Variants in HFM1 observed in about 807,000 individuals in gnomAD.
HFM1 encodes the protein probable ATP-dependent DNA helicase HFM1.
A neutral mutation model predicts 192.1 loss-of-function variants in HFM1; 169 were observed. That is an observed-to-expected ratio of 0.88 (90% CI 0.78 to 1.00). HFM1 has a LOEUF of 1.00. Ranked by LOEUF, HFM1 falls within the 50% of genes least tolerant of loss-of-function variation. The pLI is 0.00. For missense variants in HFM1, 1,661 were observed against 1,668.0 expected, an observed-to-expected ratio of 1.00 and a Z score of 0.07; for synonymous variants, 525 against 537.8, an observed-to-expected ratio of 0.98 and a Z score of 0.33.
chr1:91,302,647 G>T (rs1022798047), intron 30 of HFM1, among the ~76,000 whole-genome samples: 1 of 151,994 alleles, frequency 6.6e-6, no homozygotes, highest in Admixed American at 6.6e-5. Flanking sequence ...CATGGATGAC[G>T]CTGGAAACCA....
At position 91,260,873 on chromosome 1, in the gene HFM1, A is replaced by G. The variant is rs1665101417; in HGVS notation, c.*417T>C. ...GTAAAACAAAATACATGGGAATAAT[A>G]TTAGTGATTAATCCATACAATAAGC... is the stretch of plus-strand genomic sequence containing the variant. On this transcript the variant is annotated 3_prime_UTR_variant, in exon 39 of 39. Coordinates refer to ENST00000370425, the MANE Select transcript of HFM1 (RefSeq NM_001017975.6). 6.6e-6 allele frequency: 1 copy of G among 152,464 alleles called. No homozygotes were observed. The highest frequency in any genetic ancestry group is 1.5e-5 in the Non-Finnish European group (1 of 68,196). 9.4% of individuals were successfully genotyped at this position (152,464 alleles called of 1,614,324 possible). A position where few individuals can be genotyped will look rare whatever the true frequency, so the allele number is the denominator to read the frequency against.
At chr1:91,274,603 T>C (rs750874555) in intron 33 of HFM1, 127 bp downstream of exon 33, 4 of 499,504 alleles carry the variant, frequency 8.0e-6, no homozygotes, top group Non-Finnish European at 1.5e-5. Flanking sequence ...ATTGCTTCAC[T>C]ATGGAACTAA....
intron 30 of HFM1, among the ~76,000 whole-genome samples, chr1:91,311,807 C>T (rs924618369): frequency 6.6e-6 from 1 of 152,182 alleles, no homozygotes; most frequent in African/African-American, 2.4e-5. Flanking sequence ...TTTACGGCAG[C>T]CCCTTCTATC....
intron 30 of HFM1, among the ~76,000 whole-genome samples, chr1:91,286,230 T>G (rs1175918422): frequency 6.6e-6 from 1 of 152,188 alleles, no homozygotes; most frequent in African/African-American, 2.4e-5. Context: ...CAGCACAGAT[T>G]AGTATATTAG....
chr1:91,267,802 C>T lies in HFM1; in HGVS notation c.3826G>A (p.Asp1276Asn). The change falls in exon 35 of 39, where the codon GAT (aspartate) becomes AAT (asparagine). Residue 1276 changes from aspartate to asparagine, a missense_variant. Physicochemically the swap from Asp to Asn is conservative, Grantham distance 23. Coordinates refer to ENST00000370425, the MANE Select transcript of HFM1 (RefSeq NM_001017975.6). Reference sequence around the variant, plus strand: ...AAGCTAGTAACTTCTAAGTTTTCATCATCAAAATCATCCCAAACTTCATTT... The same window carrying T: ...AAGCTAGTAACTTCTAAGTTTTCATTATCAAAATCATCCCAAACTTCATTT... Reference protein sequence around the residue: ...LGNEVWDDFDDENLEVTSFST... With the variant: ...LGNEVWDDFDNENLEVTSFST... The T allele has an allele frequency of 6.3e-7, 1 of 1,580,352 alleles. No individual in the cohort carries two copies.
Position 91,324,657 on chromosome 1 carries a change from T to C in HFM1, c.2427+18A>G. The C allele has an allele frequency of 9.0e-7, 1 of 1,106,066 alleles. No individual in the cohort carries two copies. Among genetic ancestry groups the C allele is most frequent in the Non-Finnish European group, 1.4e-6 (1 of 725,388 alleles). The allele number at this position is 1,106,066 out of a possible 1,614,324, so 68.5% of individuals were successfully genotyped here. On this transcript the variant is annotated intron_variant, in intron 21 of 38. Coordinates refer to ENST00000370425, the MANE Select transcript of HFM1 (RefSeq NM_001017975.6). ...ACTATACCACTATGTATTTTTTTTC[T>C]AGTGAAAATTAATTTACCAGATCTG...
upstream of HFM1, among the ~76,000 whole-genome samples, chr1:91,406,268 C>T (rs1349836362): frequency 6.6e-6 from 1 of 152,138 alleles, no homozygotes; most frequent in African/African-American, 2.4e-5. Context: ...AGCCACCCAG[C>T]CTATGGTAAT....
chr1:91,349,745 C>T (rs924831059), intron 18 of HFM1, among the ~76,000 whole-genome samples: 2 of 152,212 alleles, frequency 1.3e-5, no homozygotes, highest in African/African-American at 4.8e-5. Flanking sequence ...AGCTAAGACA[C>T]TCCCAGATTC....
intron 7 of HFM1, 100 bp from the exon 8 acceptor site, chr1:91,380,336 T>C (rs1661407739): frequency 4.3e-6 from 3 of 702,058 alleles, no homozygotes; most frequent in Non-Finnish European, 6.6e-6. Context: ...TAAGGAATAA[T>C]AGTTCAAACA....
At chr1:91,297,770 C>A (rs1037279754) in intron 30 of HFM1, among the ~76,000 whole-genome samples, 1 of 152,124 alleles carries the variant, frequency 6.6e-6, no homozygotes, top group Non-Finnish European at 1.5e-5. Context: ...GAAAGGACAT[C>A]CACACCAAAA....
intron 30 of HFM1, among the ~76,000 whole-genome samples, chr1:91,287,154 C>A (rs1047268288): frequency 3.3e-5 from 5 of 152,208 alleles, no homozygotes; most frequent in African/African-American, 1.2e-4. Context: ...TGGGTGGAGC[C>A]CACCACAGCT....
chr1:91,357,589 C>T (rs1034771577), intron 13 of HFM1, among the ~76,000 whole-genome samples: 1 of 151,656 alleles, frequency 6.6e-6, no homozygotes, highest in Non-Finnish European at 1.5e-5. Flanking sequence ...CAACACAGTA[C>T]TGGAAGTACT....
intron 13 of HFM1, among the ~76,000 whole-genome samples, chr1:91,369,654 G>C (rs1296014726): frequency 6.6e-6 from 1 of 152,100 alleles, no homozygotes; most frequent in Admixed American, 6.5e-5. Flanking sequence ...GATAAAAATT[G>C]ACACCCTAAC....
chr1:91,297,329 G>A (rs182464290), intron 30 of HFM1, among the ~76,000 whole-genome samples: 1,993 of 152,322 alleles, frequency 0.013, 46 homozygotes, highest in African/African-American at 0.046. Flanking sequence ...ACAGCTCAAG[G>A]AGGCCTGCCT....
At chr1:91,353,595 T>TA (rs988680593) in intron 13 of HFM1, among the ~76,000 whole-genome samples, 2 of 90,206 alleles carry the variant, frequency 2.2e-5, no homozygotes, top group Non-Finnish European at 4.4e-5. Context: ...ATAATTTGCC[T>TA]AAAAAAAATT....
intron 31 of HFM1, 112 bp downstream of exon 31, chr1:91,276,870 G>T: frequency 1.3e-6 from 1 of 794,014 alleles, no homozygotes; most frequent in Non-Finnish European, 2.0e-6. Flanking sequence ...AAAATTATTT[G>T]CATTATTAAG....
chr1:91,369,722 G>T (rs1176154837), intron 13 of HFM1, among the ~76,000 whole-genome samples: 6 of 151,944 alleles, frequency 3.9e-5, no homozygotes, highest in African/African-American at 7.3e-5. Context: ...CTAGCAGAAG[G>T]CAAGAAATAA....
intron 23 of HFM1, 71 bp from the exon 24 acceptor site, chr1:91,319,461 C>T: frequency 1.1e-6 from 1 of 925,358 alleles, no homozygotes; most frequent in Non-Finnish European, 1.7e-6. Context: ...ATATCACTCA[C>T]TGAAGTATTC....
chr1:91,389,523 G>A (rs1376421246), intron 4 of HFM1, among the ~76,000 whole-genome samples: 3 of 152,028 alleles, frequency 2.0e-5, no homozygotes, highest in Non-Finnish European at 2.9e-5. Context: ...ATAAAAAGAG[G>A]ATGAAACATG....
Sources: allele counts gnomAD v4.1 joint callset (sites outside exome capture counted in the v4.1 genomes callset), GRCh38; gene constraint gnomAD v4.1.1; transcripts MANE v1.5; gene names NCBI Gene and HGNC (gene_info 2026-07-23, HGNC 2026-07-21).